ALMS1: variants seen among roughly 807,000 people sequenced by gnomAD.
ALMS1 encodes centrosome-associated protein ALMS1.
ALMS1 carries 271 observed loss-of-function variants against 352.2 expected under a neutral mutation model. That is an observed-to-expected ratio of 0.77 (90% CI 0.70 to 0.85). The LOEUF is 0.85. Ranked by LOEUF, ALMS1 falls within the 40% of genes least tolerant of loss-of-function variation. The pLI, the probability that ALMS1 is intolerant of heterozygous loss-of-function variation, is 0.00. For missense variants in ALMS1, 5,445 were observed against 4,870.7 expected (o/e 1.12, Z -3.51); for synonymous variants, 1,865 against 1,761.2 (o/e 1.06, Z -1.48).
chr2:73,550,589 C>T, intron 13 of ALMS1, 152 bp downstream of exon 13: 1 of 903,188 alleles, frequency 1.1e-6, no homozygotes, highest in East Asian at 2.8e-5. Context: ...GGCAAAATTT[C>T]ATAAAATCCT....
At chr2:73,538,470 C>G (rs922276997) in intron 12 of ALMS1, among the ~76,000 whole-genome samples, 1 of 152,130 alleles carries the variant, frequency 6.6e-6, no homozygotes, top group African/African-American at 2.4e-5. Context: ...ATGCAGAAAA[C>G]GAATGATTTC....
chr2:73,432,222 T>C lies in ALMS1; in HGVS notation c.1363T>C (p.Ser455Pro). The change falls in exon 7 of 23, where the codon TCT becomes CCT. Residue 455 changes from serine to proline, a missense_variant. Ser to Pro is a moderately conservative substitution (Grantham distance 74). Transcript: ENST00000613296. ...GCCAACAAGAGAGTCGGAATATCACTCTTCAGATCTCAGAATGTTGAGGAT... is the reference window on the plus strand; with the variant it reads ...GCCAACAAGAGAGTCGGAATATCACCCTTCAGATCTCAGAATGTTGAGGAT... Reference protein sequence around the residue: ...RKPTRESEYHSSDLRMLRMSP... With the variant: ...RKPTRESEYHPSDLRMLRMSP... 6.2e-7 allele frequency: 1 copy of C among 1,613,486 alleles called. No individual in the cohort carries two copies. Among genetic ancestry groups the C allele is most frequent in the Non-Finnish European group, 8.5e-7 (1 of 1,179,508 alleles).
intron 11 of ALMS1, among the ~76,000 whole-genome samples, chr2:73,521,559 AC>A (rs1673676578): frequency 7.1e-6 from 1 of 141,564 alleles, no homozygotes; most frequent in South Asian, 2.3e-4. Context: ...ACACAATGAA[AC>A]CCCGTCTCTA....
intron 2 of ALMS1, among the ~76,000 whole-genome samples, chr2:73,412,360 A>G (rs566935329): frequency 6.6e-6 from 1 of 152,218 alleles, no homozygotes; most frequent in Admixed American, 6.5e-5. Context: ...GACTTCTTTC[A>G]CTTGGCTTAG....
intron 1 of ALMS1, among the ~76,000 whole-genome samples, chr2:73,396,667 G>C (rs530802433): frequency 1.4e-5 from 2 of 141,322 alleles, no homozygotes; most frequent in African/African-American, 2.6e-5. Context: ...TTTTTGAGAC[G>C]GAGTCTTGCT....
intron 9 of ALMS1, among the ~76,000 whole-genome samples, chr2:73,472,805 G>T (rs1672494809): frequency 6.6e-6 from 1 of 152,040 alleles, no homozygotes; most frequent in South Asian, 2.1e-4. Context: ...GTTTTAACCT[G>T]TCTGAAGTAT....
At chr2:73,602,481 G>A (rs1007170598) in intron 20 of ALMS1, 113 bp downstream of exon 20, 97 of 1,309,476 alleles carry the variant, frequency 7.4e-5, no homozygotes, top group Admixed American at 4.1e-4. Context: ...GGCAGACAGT[G>A]ACCTTTTGCT....
intron 4 of ALMS1, among the ~76,000 whole-genome samples, chr2:73,423,214 G>A (rs1299707279): frequency 2.0e-5 from 3 of 152,154 alleles, no homozygotes; most frequent in Non-Finnish European, 4.4e-5. Context: ...ATATATTCAG[G>A]CATTTCAGGC....
intron 11 of ALMS1, among the ~76,000 whole-genome samples, chr2:73,531,607 T>A (rs994063538): frequency 6.6e-6 from 1 of 152,240 alleles, no homozygotes; most frequent in Admixed American, 6.5e-5. Flanking sequence ...CCCAAGTTGC[T>A]TCCACATGTT....
intron 9 of ALMS1, among the ~76,000 whole-genome samples, chr2:73,463,876 C>A (rs1470907113): frequency 6.6e-6 from 1 of 151,624 alleles, no homozygotes; most frequent in African/African-American, 2.4e-5. Flanking sequence ...GACACATACA[C>A]CCTCCCAAGA....
intron 12 of ALMS1, among the ~76,000 whole-genome samples, chr2:73,541,878 A>G (rs1674190940): frequency 6.6e-6 from 1 of 152,238 alleles, no homozygotes; most frequent in Admixed American, 6.5e-5. Flanking sequence ...AATAATCGAT[A>G]GCTTACCAAC....
chr2:73,491,066 C>T lies in ALMS1; in HGVS notation c.9107C>T (p.Thr3036Ile), dbSNP rs1431610780. 6.2e-7 allele frequency: 1 copy of T among 1,614,074 alleles called. No homozygotes were observed. Among genetic ancestry groups the T allele is most frequent in the Non-Finnish European group, 8.5e-7 (1 of 1,179,888 alleles). Residue 3036 changes from threonine to isoleucine, a missense_variant, in exon 10 of 23, where the codon ACT becomes ATT. Transcript: ENST00000613296. ...NHCTLAASAS[T>I]PPSNRKALSC... is the part of the protein sequence containing the mutation. ...TGTACATTAGCAGCATCTGCATCTA[C>T]TCCTCCTTCAAATAGAAAAGCACTT...
chr2:73,497,469 T>A (rs1673132987), intron 10 of ALMS1, among the ~76,000 whole-genome samples: 1 of 152,114 alleles, frequency 6.6e-6, no homozygotes, highest in African/African-American at 2.4e-5. Flanking sequence ...ACCTCAGATA[T>A]ATTGCAGGTT....
intron 10 of ALMS1, among the ~76,000 whole-genome samples, chr2:73,513,437 T>C (rs1431612334): frequency 6.6e-6 from 1 of 152,176 alleles, no homozygotes; most frequent in Non-Finnish European, 1.5e-5. Flanking sequence ...TCATCTTGTT[T>C]AGGATTTGAC....
intron 9 of ALMS1, among the ~76,000 whole-genome samples, chr2:73,482,323 C>A (rs1672727931): frequency 6.6e-6 from 1 of 152,174 alleles, no homozygotes; most frequent in Non-Finnish European, 1.5e-5. Flanking sequence ...TTTTCTGCAT[C>A]TATTGAGAAA....
intron 9 of ALMS1, among the ~76,000 whole-genome samples, chr2:73,483,486 G>C (rs1407719055): frequency 3.3e-5 from 5 of 151,700 alleles, no homozygotes; most frequent in Non-Finnish European, 5.9e-5. Context: ...GAGAGCTTTA[G>C]TTCCAAGTAT....
intron 10 of ALMS1, among the ~76,000 whole-genome samples, chr2:73,502,298 T>C (rs1673234357): frequency 6.6e-6 from 1 of 152,088 alleles, no homozygotes; most frequent in African/African-American, 2.4e-5. Context: ...CTTCTTTAAA[T>C]TTACTGGGAT....
intron 11 of ALMS1, among the ~76,000 whole-genome samples, chr2:73,533,923 A>G (rs1187126313): frequency 6.6e-6 from 1 of 152,210 alleles, no homozygotes; most frequent in African/African-American, 2.4e-5. Context: ...TGTAAAAAGA[A>G]TTTACCTTGG....
rs1553396161 is a variant in ALMS1, at chr2:73,385,940, G to GGAA, written c.75_77dup (p.Glu28dup). The GGAA allele has an allele frequency of 6.8e-6, 8 of 1,180,900 alleles. No individual in the cohort carries two copies. The highest frequency in any genetic ancestry group is 7.3e-6 in the Non-Finnish European group (6 of 820,148). The allele number at this position is 1,180,900 out of a possible 1,614,324, so 73.2% of individuals were successfully genotyped here. On this transcript the variant is annotated inframe_insertion, in exon 1 of 23. Coordinates refer to ENST00000613296, the MANE Select transcript of ALMS1 (RefSeq NM_001378454.1). ...AGGAGGAGGAGGAGGAGGAGGAGGA[G>GGAA]GAAGAGGAGGAGGCTGCAGCGGCGG...
Sources: allele counts gnomAD v4.1 joint callset (sites outside exome capture counted in the v4.1 genomes callset), GRCh38; gene constraint gnomAD v4.1.1; transcripts MANE v1.5; gene names NCBI Gene and HGNC (gene_info 2026-07-23, HGNC 2026-07-21).